Variants in PRKD1 observed in about 807,000 individuals in gnomAD.
PRKD1 encodes the protein protein kinase D1.
PRKD1 carries 63 observed loss-of-function variants against 95.9 expected under a neutral mutation model. The observed-to-expected ratio is 0.66, with a 90% CI of 0.54 to 0.81. PRKD1 has a LOEUF of 0.81. Ranked by LOEUF, PRKD1 falls within the 30% of genes least tolerant of loss-of-function variation. PRKD1 has a pLI of 0.00. For missense variants in PRKD1, 1,048 were observed against 1,165.3 expected, an observed-to-expected ratio of 0.90 and a Z score of 1.47; for synonymous variants, 425 against 423.1, an observed-to-expected ratio of 1.00 and a Z score of -0.05.
intron 2 of PRKD1, among the ~76,000 whole-genome samples, chr14:29,678,642 T>C (rs944264034): frequency 1.3e-5 from 2 of 152,152 alleles, no homozygotes; most frequent in African/African-American, 4.8e-5. Context: ...TTTCAAAGAG[T>C]ATGTGTGTGC....
At chr14:29,817,012 T>C (rs1890720125) in intron 1 of PRKD1, among the ~76,000 whole-genome samples, 1 of 152,186 alleles carries the variant, frequency 6.6e-6, no homozygotes, top group Admixed American at 6.5e-5. Context: ...CCTGAAGGAT[T>C]ACAATTAATT....
At chr14:29,704,302 A>C (rs192501184) in intron 2 of PRKD1, among the ~76,000 whole-genome samples, 1 of 152,254 alleles carries the variant, frequency 6.6e-6, no homozygotes, top group Non-Finnish European at 1.5e-5. Flanking sequence ...AGGGCTACTC[A>C]ATTCCTATGG....
chr14:29,607,560 G>A (rs747978242), intron 13 of PRKD1, among the ~76,000 whole-genome samples: 2 of 152,264 alleles, frequency 1.3e-5, no homozygotes, highest in East Asian at 1.9e-4. Context: ...TGAGCCAAGC[G>A]TCTCTCTCAG....
Position 29,927,229 on chromosome 14 carries a change from G to A in PRKD1, c.264+20C>T. On this transcript the variant is annotated intron_variant, in intron 1 of 17. Transcript: ENST00000331968. ...TGCGCCGCGGGGAGGCGCCGGGCTG[G>A]CAGCGGTGCGGCGACTTACCTTCTG... 1.4e-6 allele frequency: 2 copies of A among 1,478,040 alleles called. No individual in the cohort carries two copies. Among genetic ancestry groups the A allele is most frequent in the Non-Finnish European group, 1.8e-6 (2 of 1,113,446 alleles). 91.6% of individuals were successfully genotyped at this position (1,478,040 alleles called of 1,614,324 possible).
chr14:29,843,800 G>T (rs1306153069), intron 1 of PRKD1, among the ~76,000 whole-genome samples: 1 of 152,066 alleles, frequency 6.6e-6, no homozygotes, highest in Admixed American at 6.6e-5. Flanking sequence ...GTTAGAAAAT[G>T]GTAAATGTTA....
chr14:29,873,785 T>A (rs1167222867), intron 1 of PRKD1, among the ~76,000 whole-genome samples: 3 of 151,648 alleles, frequency 2.0e-5, no homozygotes, highest in African/African-American at 7.3e-5. Context: ...TTAATATTAA[T>A]CTTATTTTTA....
At chr14:29,758,191 GA>G (rs35844516) in intron 1 of PRKD1, among the ~76,000 whole-genome samples, 33,016 of 135,828 alleles carry the variant, frequency 0.24, 3,788 homozygotes, top group South Asian at 0.29. Context: ...AAGAGAGAAA[GA>G]AAAAAAAAAA....
chr14:29,893,676 T>C (rs975452434), intron 1 of PRKD1, among the ~76,000 whole-genome samples: 1 of 152,240 alleles, frequency 6.6e-6, no homozygotes, highest in African/African-American at 2.4e-5. Flanking sequence ...TGGTTCTTAG[T>C]GTCTTCCATA....
intron 4 of PRKD1, among the ~76,000 whole-genome samples, chr14:29,660,832 TATAG>T (rs1882148290): frequency 6.6e-6 from 1 of 152,128 alleles, no homozygotes. Flanking sequence ...TAAATATACT[TATAG>T]ATAATGATAC....
intron 13 of PRKD1, among the ~76,000 whole-genome samples, chr14:29,623,933 TA>T (rs1479575906): frequency 6.6e-6 from 1 of 152,208 alleles, no homozygotes; most frequent in Non-Finnish European, 1.5e-5. Context: ...AATTATATAT[TA>T]AAACCTACAA....
chr14:29,809,718 G>A (rs1314000834), intron 1 of PRKD1, among the ~76,000 whole-genome samples: 1 of 152,170 alleles, frequency 6.6e-6, no homozygotes, highest in Non-Finnish European at 1.5e-5. Context: ...GGTATGTTGT[G>A]GCTGCTTTGA....
chr14:29,726,465 A>C (rs1007446288), intron 1 of PRKD1, among the ~76,000 whole-genome samples: 1 of 152,178 alleles, frequency 6.6e-6, no homozygotes, highest in African/African-American at 2.4e-5. Flanking sequence ...GTAGTGGGAA[A>C]AGATGCAAAC....
At chr14:29,792,786 T>G (rs921419060) in intron 1 of PRKD1, among the ~76,000 whole-genome samples, 1 of 152,038 alleles carries the variant, frequency 6.6e-6, no homozygotes, top group African/African-American at 2.4e-5. Flanking sequence ...GTGAAGAAAG[T>G]AAGTAACATT....
chr14:29,675,425 C>T (rs1186997069), intron 2 of PRKD1, among the ~76,000 whole-genome samples: 2 of 152,210 alleles, frequency 1.3e-5, no homozygotes. Flanking sequence ...ATTCTTCTGA[C>T]AACCACTAAT....
At chr14:29,618,032 C>A (rs373512430) in intron 13 of PRKD1, among the ~76,000 whole-genome samples, 1 of 152,130 alleles carries the variant, frequency 6.6e-6, no homozygotes. Flanking sequence ...CACGCCACTG[C>A]ATTCCAATGA....
intron 13 of PRKD1, 117 bp from the exon 14 acceptor site, chr14:29,599,934 T>C (rs1594351258): frequency 1.2e-6 from 1 of 810,896 alleles, no homozygotes; most frequent in East Asian, 2.8e-5. Flanking sequence ...ACACTTAAGA[T>C]TTTTAACACC....
intron 1 of PRKD1, among the ~76,000 whole-genome samples, chr14:29,763,159 T>G (rs1282499050): frequency 6.9e-6 from 1 of 143,962 alleles, no homozygotes; most frequent in East Asian, 2.0e-4. Flanking sequence ...AGTTAAAAAT[T>G]ATCCAGGCAC....
intron 16 of PRKD1, 27 bp downstream of exon 16, chr14:29,597,464 T>C (rs1301294926): frequency 6.5e-7 from 1 of 1,538,880 alleles, no homozygotes; most frequent in Non-Finnish European, 8.8e-7. Context: ...GATTAGATTA[T>C]TATCATTTTT....
intron 2 of PRKD1, among the ~76,000 whole-genome samples, chr14:29,709,926 C>T (rs1885261439): frequency 6.6e-6 from 1 of 152,056 alleles, no homozygotes; most frequent in South Asian, 2.1e-4. Context: ...ACTCCATGGC[C>T]CAGTCAAGTT....
Sources: allele counts gnomAD v4.1 joint callset (sites outside exome capture counted in the v4.1 genomes callset), GRCh38; gene constraint gnomAD v4.1.1; transcripts MANE v1.5; gene names NCBI Gene and HGNC (gene_info 2026-07-23, HGNC 2026-07-21).